SEMA3D: variants seen among roughly 807,000 people sequenced by gnomAD.
The protein encoded by SEMA3D is semaphorin 3D.
In SEMA3D, 84 loss-of-function variants were observed where a neutral mutation model predicts 100.1. The observed-to-expected ratio is 0.84, with a 90% CI of 0.70 to 1.01. The LOEUF is 1.01. Ranked by LOEUF, SEMA3D falls within the 50% of genes least tolerant of loss-of-function variation. The pLI, the probability that SEMA3D is intolerant of heterozygous loss-of-function variation, is 0.00. For missense variants in SEMA3D, 875 were observed against 934.1 expected, an observed-to-expected ratio of 0.94 and a Z score of 0.82; for synonymous variants, 312 against 320.7, an observed-to-expected ratio of 0.97 and a Z score of 0.29.
intron 15 of SEMA3D, among the ~76,000 whole-genome samples, chr7:85,016,611 T>C (rs533765270): frequency 6.6e-6 from 1 of 151,888 alleles, no homozygotes; most frequent in South Asian, 2.1e-4. Flanking sequence ...CTTGTAAGTG[T>C]CCTATTTCTG....
chr7:85,004,163 A>C (rs1418995458), intron 18 of SEMA3D, among the ~76,000 whole-genome samples: 1 of 152,066 alleles, frequency 6.6e-6, no homozygotes, highest in Non-Finnish European at 1.5e-5. Flanking sequence ...ACATTAAATG[A>C]TAATGGAAAA....
chr7:85,008,230 T>C (rs1273438182), intron 17 of SEMA3D, among the ~76,000 whole-genome samples: 2 of 151,764 alleles, frequency 1.3e-5, no homozygotes, highest in Non-Finnish European at 2.9e-5. Flanking sequence ...AGGTTGATTG[T>C]TGGGATATGG....
At chr7:85,213,932 CATAAATTATTAAGTTTAGCATCATTGA>C in the SEMA3D span, among the ~76,000 whole-genome samples, 4 of 152,172 alleles carry the variant, frequency 2.6e-5, no homozygotes, top group East Asian at 7.7e-4. Context: ...TAAAAAAGTA[CATAAATTATTAAGTTTAGCATCATTGA>C]AAACATGTGC....
intron 2 of SEMA3D, among the ~76,000 whole-genome samples, chr7:85,138,770 G>A (rs933952144): frequency 1.3e-5 from 2 of 151,168 alleles, no homozygotes; most frequent in African/African-American, 2.4e-5. Flanking sequence ...CCATCAACCC[G>A]TCATCTACAT....
At chr7:85,085,004 T>C (rs1788177429) in intron 4 of SEMA3D, among the ~76,000 whole-genome samples, 1 of 152,208 alleles carries the variant, frequency 6.6e-6, no homozygotes, top group African/African-American at 2.4e-5. Context: ...TAGTATTCCA[T>C]AGTGTACATG....
At chr7:85,031,254 C>T (rs1790539844) in intron 12 of SEMA3D, among the ~76,000 whole-genome samples, 1 of 151,928 alleles carries the variant, frequency 6.6e-6, no homozygotes, top group African/African-American at 2.4e-5. Context: ...GGGAGAACAA[C>T]TTAGAATTCA....
rs779007186 is a variant in SEMA3D at position 85,022,378 on chromosome 7, AGT to A, written c.1414+11_1414+12del. The A allele has an allele frequency of 1.3e-6, 2 of 1,581,178 alleles. No individual in the cohort carries two copies. Among genetic ancestry groups the A allele is most frequent in the Non-Finnish European group, 1.7e-6 (2 of 1,151,116 alleles). Reference sequence around the variant, plus strand: ...ATTCCTTTTGAAAAAATCCTAATCTAGTTTTAGCTTACCTGTTCCAAGAAACA... The same window carrying A: ...ATTCCTTTTGAAAAAATCCTAATCTATTTAGCTTACCTGTTCCAAGAAACA... On this transcript the variant is annotated intron_variant, in intron 13 of 18. Transcript: ENST00000284136.
chr7:85,226,029 CATT>C, the SEMA3D span, among the ~76,000 whole-genome samples: 54 of 152,146 alleles, frequency 3.5e-4, no homozygotes, highest in African/African-American at 1.2e-3. Flanking sequence ...ACTAATCCAT[CATT>C]AAGCTATCAA....
chr7:85,031,320 C>T (rs1284005718), intron 12 of SEMA3D, among the ~76,000 whole-genome samples: 2 of 151,910 alleles, frequency 1.3e-5, no homozygotes, highest in Non-Finnish European at 2.9e-5. Flanking sequence ...AAAAAATAAC[C>T]TACGTTAAAG....
chr7:85,116,306 A>G (rs866976581), intron 3 of SEMA3D, among the ~76,000 whole-genome samples: 8 of 146,208 alleles, frequency 5.5e-5, no homozygotes, highest in Non-Finnish European at 7.5e-5. Context: ...ATATATGTAT[A>G]TATTTATATA....
the SEMA3D span, among the ~76,000 whole-genome samples, chr7:85,203,980 A>G: frequency 6.6e-6 from 1 of 152,130 alleles, no homozygotes; most frequent in East Asian, 1.9e-4. Context: ...AACACAAGCA[A>G]TGACCCATGG....
At chr7:85,122,127 C>G (rs749320510) in intron 2 of SEMA3D, among the ~76,000 whole-genome samples, 196 bp from the exon 3 acceptor site, 8 of 151,658 alleles carry the variant, frequency 5.3e-5, no homozygotes, top group Non-Finnish European at 8.8e-5. Flanking sequence ...AGGAGAAATA[C>G]CTAATGTAGA....
intron 12 of SEMA3D, among the ~76,000 whole-genome samples, chr7:85,024,542 C>T (rs568852289): frequency 6.6e-6 from 1 of 151,782 alleles, no homozygotes; most frequent in East Asian, 1.9e-4. Context: ...ATTGCTCCGA[C>T]AAAAATGGTT....
At chr7:85,152,317 G>T (rs948970884) in intron 2 of SEMA3D, among the ~76,000 whole-genome samples, 1 of 151,972 alleles carries the variant, frequency 6.6e-6, no homozygotes, top group Non-Finnish European at 1.5e-5. Context: ...AAATAAAAGA[G>T]GTATCAATAT....
chr7:85,093,481 G>C (rs539299350), intron 4 of SEMA3D, among the ~76,000 whole-genome samples: 1 of 152,086 alleles, frequency 6.6e-6, no homozygotes, highest in African/African-American at 2.4e-5. Flanking sequence ...AATCCCAAGA[G>C]TGGCCGACAG....
At chr7:85,069,582 T>C (rs1035269686) in intron 6 of SEMA3D, among the ~76,000 whole-genome samples, 1 of 152,206 alleles carries the variant, frequency 6.6e-6, no homozygotes, top group Non-Finnish European at 1.5e-5. Flanking sequence ...TTTTGAGACT[T>C]CAACTTTATA....
chr7:85,243,479 T>C, the SEMA3D span, among the ~76,000 whole-genome samples: 1 of 152,338 alleles, frequency 6.6e-6, no homozygotes, highest in East Asian at 1.9e-4. Flanking sequence ...GTTTCTGCTC[T>C]GTAAATTGTG....
chr7:85,157,829 C>T (rs191847553), intron 1 of SEMA3D, among the ~76,000 whole-genome samples: 8 of 152,146 alleles, frequency 5.3e-5, no homozygotes, highest in East Asian at 3.9e-4. Context: ...ACGTAGGGAC[C>T]GGCTGAAGTC....
chr7:85,119,019 A>T (rs1451494255), intron 3 of SEMA3D, among the ~76,000 whole-genome samples: 1 of 152,156 alleles, frequency 6.6e-6, no homozygotes, highest in East Asian at 1.9e-4. Flanking sequence ...AAAACTCAAC[A>T]TCATTGATCA....
Sources: gnomAD v4.1 joint callset for allele counts (sites outside exome capture counted in the v4.1 genomes callset) on GRCh38, gnomAD v4.1.1 for gene constraint, MANE v1.5 for transcripts, NCBI Gene and HGNC (gene_info 2026-07-23, HGNC 2026-07-21) for gene names.